The following DSCAM variants were observed in gnomAD, a reference collection of about 807,000 sequenced individuals.
DSCAM encodes cell adhesion molecule DSCAM.
DSCAM carries 47 observed loss-of-function variants against 217.7 expected under a neutral mutation model. The ratio of observed to expected loss-of-function variants is 0.22; its 90% CI spans 0.17 to 0.28. The LOEUF is 0.28. Ranked by LOEUF, DSCAM falls within the 10% of genes least tolerant of loss-of-function variation. DSCAM has a pLI of 1.00. For missense variants in DSCAM, 2,080 were observed against 2,618.3 expected, an observed-to-expected ratio of 0.79 and a Z score of 4.49; for synonymous variants, 1,056 against 1,015.3, an observed-to-expected ratio of 1.04 and a Z score of -0.76.
At chr21:40,029,955 G>T (rs573983541) in intron 32 of DSCAM, among the ~76,000 whole-genome samples, 3 of 152,214 alleles carry the variant, frequency 2.0e-5, no homozygotes, top group South Asian at 2.1e-4. Context: ...TATACTAAGG[G>T]TCTCCTTTCA....
At chr21:40,205,725 TC>T (rs1158363925) in intron 11 of DSCAM, among the ~76,000 whole-genome samples, 1 of 152,050 alleles carries the variant, frequency 6.6e-6, no homozygotes, top group Non-Finnish European at 1.5e-5. Context: ...ATCTCCTTGA[TC>T]ATGTCCCCAA....
intron 1 of DSCAM, among the ~76,000 whole-genome samples, chr21:40,790,173 T>C (rs1390848197): frequency 1.4e-5 from 2 of 144,324 alleles, no homozygotes; most frequent in Non-Finnish European, 3.0e-5. Flanking sequence ...AACGTTTTTC[T>C]TTCTTTCTTT....
chr21:40,734,039 G>T (rs2091038871), intron 1 of DSCAM, among the ~76,000 whole-genome samples: 1 of 152,174 alleles, frequency 6.6e-6, no homozygotes, highest in African/African-American at 2.4e-5. Flanking sequence ...ATCTTAAACA[G>T]ATGATGGGCC....
chr21:40,134,938 G>A (rs1211280591), intron 18 of DSCAM, among the ~76,000 whole-genome samples: 2 of 152,206 alleles, frequency 1.3e-5, no homozygotes, highest in African/African-American at 2.4e-5. Flanking sequence ...GAAACTTGGT[G>A]TCAGCTAAAA....
chr21:40,118,726 G>T (rs2146656138), intron 20 of DSCAM, among the ~76,000 whole-genome samples: 1 of 152,158 alleles, frequency 6.6e-6, no homozygotes, highest in Admixed American at 6.5e-5. Flanking sequence ...GCAAGCCAGG[G>T]CTAGCTATGT....
intron 3 of DSCAM, among the ~76,000 whole-genome samples, chr21:40,454,402 G>C (rs1277686412): frequency 6.6e-6 from 1 of 152,148 alleles, no homozygotes; most frequent in African/African-American, 2.4e-5. Context: ...ATCTGTGAAA[G>C]TTTTCTGTGA....
At chr21:40,721,402 G>C (rs985005695) in intron 1 of DSCAM, among the ~76,000 whole-genome samples, 3 of 152,240 alleles carry the variant, frequency 2.0e-5, no homozygotes, top group African/African-American at 7.2e-5. Context: ...TAAATATTCT[G>C]TCAATATGTA....
At chr21:40,296,558 G>A (rs759170896) in intron 9 of DSCAM, among the ~76,000 whole-genome samples, 6 of 152,094 alleles carry the variant, frequency 3.9e-5, no homozygotes, top group African/African-American at 1.2e-4. Flanking sequence ...CAGGCTGGGC[G>A]CGGTGGCTCA....
At chr21:40,204,495 A>G (rs112889649) in intron 11 of DSCAM, among the ~76,000 whole-genome samples, 61 of 152,350 alleles carry the variant, frequency 4.0e-4, no homozygotes, top group Non-Finnish European at 7.8e-4. Flanking sequence ...CTTATTTAAG[A>G]ACGTTCTCAT....
In DSCAM at chr21:40,703,672, T is replaced by A. The variant is rs573655968; in HGVS notation, c.361+4782A>T. 4.6e-5 allele frequency among the ~76,000 whole-genome samples: 7 copies of A among 152,310 alleles called. 1 individual carries two copies. The South Asian group carries it at 1.5e-3, about 32-fold the overall frequency. On this transcript the variant is annotated intron_variant, in intron 2 of 32. Coordinates refer to ENST00000400454, the MANE Select transcript of DSCAM (RefSeq NM_001389.5). ...TATTTTATTATTGCGCTGAGCAATT[T>A]TATTATATTATGATGTGCCTTTGTG...
intron 20 of DSCAM, among the ~76,000 whole-genome samples, chr21:40,101,729 C>A (rs187543392): frequency 6.6e-6 from 1 of 152,036 alleles, no homozygotes; most frequent in East Asian, 1.9e-4. Context: ...ATGTAATGAA[C>A]CATCTCAAAT....
intron 9 of DSCAM, among the ~76,000 whole-genome samples, chr21:40,302,360 G>A (rs961395044): frequency 2.0e-5 from 3 of 152,012 alleles, no homozygotes; most frequent in Non-Finnish European, 4.4e-5. Flanking sequence ...TTTATAAAGG[G>A]GATTTCCCCT....
intron 3 of DSCAM, among the ~76,000 whole-genome samples, chr21:40,615,767 T>C (rs1353429281): frequency 1.3e-5 from 2 of 152,166 alleles, no homozygotes; most frequent in Non-Finnish European, 2.9e-5. Context: ...GAGAGCTCTA[T>C]ATCAACAAAC....
At chr21:40,557,621 C>A (rs971835056) in intron 3 of DSCAM, among the ~76,000 whole-genome samples, 3 of 152,196 alleles carry the variant, frequency 2.0e-5, no homozygotes, top group African/African-American at 7.2e-5. Context: ...AGGCGTGAGC[C>A]ACCATGCCCA....
intron 3 of DSCAM, among the ~76,000 whole-genome samples, chr21:40,513,868 C>A (rs2076279350): frequency 6.6e-6 from 1 of 152,070 alleles, no homozygotes; most frequent in African/African-American, 2.4e-5. Context: ...ACAACAACAA[C>A]AACAACAAAA....
At chr21:40,576,891 C>T (rs1463896298) in intron 3 of DSCAM, among the ~76,000 whole-genome samples, 2 of 151,784 alleles carry the variant, frequency 1.3e-5, no homozygotes, top group South Asian at 4.2e-4. Flanking sequence ...CAACAATTAG[C>T]GTTGCACCCA....
chr21:40,172,484 G>A (rs1415781885), intron 15 of DSCAM, among the ~76,000 whole-genome samples: 2 of 152,332 alleles, frequency 1.3e-5, no homozygotes, highest in East Asian at 3.9e-4. Context: ...TTGCTTCCCT[G>A]TCCTGATCCT....
At chr21:40,675,153 G>A (rs988740641) in intron 3 of DSCAM, among the ~76,000 whole-genome samples, 6 of 152,186 alleles carry the variant, frequency 3.9e-5, no homozygotes, top group South Asian at 4.2e-4. Context: ...GAGTGTTGAC[G>A]GATGCCTCAC....
intron 1 of DSCAM, among the ~76,000 whole-genome samples, chr21:40,772,695 C>T (rs1420879608): frequency 6.6e-6 from 1 of 152,166 alleles, no homozygotes; most frequent in African/African-American, 2.4e-5. Flanking sequence ...TCCCCCTTCC[C>T]AAATACAGAT....
Sources: allele counts gnomAD v4.1 joint callset (sites outside exome capture counted in the v4.1 genomes callset), GRCh38; gene constraint gnomAD v4.1.1; transcripts MANE v1.5; gene names NCBI Gene and HGNC (gene_info 2026-07-23, HGNC 2026-07-21).